The following PCDHA8 variants were observed in gnomAD, a reference collection of about 807,000 sequenced individuals.
PCDHA8 encodes the protein protocadherin alpha 8, also known as protocadherin alpha-8.
Under a neutral mutation model 61.8 loss-of-function variants are expected in PCDHA8, and 53 were observed. The observed-to-expected ratio is 0.86, with a 90% CI of 0.69 to 1.08. PCDHA8 has a LOEUF of 1.08. Ranked by LOEUF, PCDHA8 falls within the 50% of genes least tolerant of loss-of-function variation. PCDHA8 has a pLI of 0.00. For synonymous variants in PCDHA8, 618 were observed against 556.6 expected (o/e 1.11, Z -1.55); for missense variants, 1,293 against 1,245.0 (o/e 1.04, Z -0.58).
chr5:140,851,545 G>A, intron 1 of PCDHA8: 1 of 908,276 alleles, frequency 1.1e-6, no homozygotes, highest in East Asian at 1.2e-4. Context: ...GATAATTCAA[G>A]AAATGTTGAC....
At chr5:140,972,276 A>G (rs1471308188) in intron 1 of PCDHA8, among the ~76,000 whole-genome samples, 1 of 150,442 alleles carries the variant, frequency 6.6e-6, no homozygotes, top group Non-Finnish European at 1.5e-5. Flanking sequence ...AGTAGCTTGG[A>G]CCATAGATGT....
At chr5:140,896,541 T>C (rs2065612579) in intron 1 of PCDHA8, among the ~76,000 whole-genome samples, 1 of 151,728 alleles carries the variant, frequency 6.6e-6, no homozygotes, top group South Asian at 2.1e-4. Flanking sequence ...TTTTTCTTTT[T>C]TTTTTTTGTA....
At chr5:140,923,888 G>A (rs575485843) in intron 1 of PCDHA8, among the ~76,000 whole-genome samples, 1 of 152,294 alleles carries the variant, frequency 6.6e-6, no homozygotes, top group Admixed American at 6.5e-5. Context: ...GTGTGAAAGA[G>A]GAGGAGTTTC....
At chr5:140,927,226 A>T in intron 1 of PCDHA8, 5 of 1,613,996 alleles carry the variant, frequency 3.1e-6, no homozygotes, top group Non-Finnish European at 4.2e-6. Context: ...CAAGATTCGG[A>T]TTCACGTCCT....
intron 1 of PCDHA8, chr5:140,866,016 T>C (rs191505079): frequency 6.6e-6 from 1 of 152,304 alleles, no homozygotes; most frequent in African/African-American, 2.4e-5. Flanking sequence ...ATTTTTTTCT[T>C]GTAAGAGTTC....
In PCDHA8 at chr5:140,850,172, C is replaced by A. The variant is rs2150470572; in HGVS notation, c.2394+6457C>A. 55 of 1,594,266 alleles carry A rather than the reference C, an allele frequency of 3.4e-5. 7 individuals are homozygous for A. Among genetic ancestry groups the A allele is most frequent in the Non-Finnish European group, 4.5e-5 (52 of 1,167,736 alleles). ...TGCAGGTGTTCGTGCTGGACGAGAA[C>A]GACAATGCGCCGGCGCTGCTGACAC... is the stretch of plus-strand genomic sequence containing the variant. On this transcript the variant is annotated intron_variant, in intron 1 of 3. Transcript: ENST00000531613.
At chr5:140,966,679 G>A (rs1554228549) in intron 1 of PCDHA8, 1 of 1,317,562 alleles carries the variant, frequency 7.6e-7, no homozygotes, top group Non-Finnish European at 9.8e-7. Flanking sequence ...AGGGTGGCAC[G>A]AGCGGAGGCG....
At chr5:140,933,863 A>G (rs2089469278) in intron 1 of PCDHA8, among the ~76,000 whole-genome samples, 1 of 151,666 alleles carries the variant, frequency 6.6e-6, no homozygotes, top group Non-Finnish European at 1.5e-5. Context: ...ATTTTTTCAG[A>G]TATATGTTAG....
intron 1 of PCDHA8, among the ~76,000 whole-genome samples, chr5:140,896,320 C>G (rs1583228292): frequency 6.6e-6 from 1 of 152,182 alleles, no homozygotes; most frequent in Non-Finnish European, 1.5e-5. Context: ...CTGCTTTCCA[C>G]AGTGGCTAAA....
chr5:140,856,314 T>C (rs2043919733), intron 1 of PCDHA8: 1 of 1,598,440 alleles, frequency 6.3e-7, no homozygotes, highest in African/African-American at 1.3e-5. Context: ...AATTCTCGGA[T>C]TGACCGCGAG....
intron 1 of PCDHA8, among the ~76,000 whole-genome samples, chr5:140,931,398 T>C: frequency 6.6e-6 from 1 of 152,112 alleles, no homozygotes; most frequent in African/African-American, 2.4e-5. Context: ...AAGTAAGCGA[T>C]AGGAAGGCTG....
intron 1 of PCDHA8, chr5:140,882,264 G>C: frequency 6.2e-7 from 1 of 1,609,300 alleles, no homozygotes; most frequent in Non-Finnish European, 8.5e-7. Context: ...TTTTTGGAGT[G>C]TACCATGCTG....
intron 3 of PCDHA8, among the ~76,000 whole-genome samples, chr5:140,986,151 G>T (rs547474191): frequency 6.6e-6 from 1 of 152,316 alleles, no homozygotes; most frequent in East Asian, 1.9e-4. Flanking sequence ...GCATCACCAA[G>T]TAATGTTTTC....
intron 1 of PCDHA8, chr5:140,858,504 C>A: frequency 4.8e-6 from 7 of 1,454,340 alleles, no homozygotes; most frequent in Non-Finnish European, 6.6e-6. Flanking sequence ...CGCATTTTCT[C>A]AAATATGTAT....
chr5:140,947,083 A>T (rs1268359945), intron 1 of PCDHA8, among the ~76,000 whole-genome samples: 1 of 151,728 alleles, frequency 6.6e-6, no homozygotes, highest in African/African-American at 2.4e-5. Context: ...TTGAAACATC[A>T]GACTGTAGCC....
At chr5:140,899,158 T>G (rs1285542285) in intron 1 of PCDHA8, among the ~76,000 whole-genome samples, 1 of 152,188 alleles carries the variant, frequency 6.6e-6, no homozygotes, top group African/African-American at 2.4e-5. Context: ...TGACTTCCTC[T>G]TTTCCTAATT....
chr5:140,971,902 T>G (rs1554233695), intron 1 of PCDHA8, among the ~76,000 whole-genome samples: 2 of 152,280 alleles, frequency 1.3e-5, no homozygotes, highest in Admixed American at 1.3e-4. Flanking sequence ...GGTTAGGTAA[T>G]CTACACAGCC....
At chr5:140,862,824 G>C (rs1205805230) in intron 1 of PCDHA8, 1 of 571,890 alleles carries the variant, frequency 1.7e-6, no homozygotes, top group Non-Finnish European at 3.4e-6. Flanking sequence ...AGGTGAGAGC[G>C]CGCGACGCGG....
intron 1 of PCDHA8, among the ~76,000 whole-genome samples, chr5:140,923,825 G>A (rs2081532169): frequency 6.6e-6 from 1 of 152,224 alleles, no homozygotes; most frequent in East Asian, 1.9e-4. Context: ...ATAGACGTCA[G>A]TGGCAGTTTA....
Sources: gnomAD v4.1 joint callset for allele counts (sites outside exome capture counted in the v4.1 genomes callset) on GRCh38, gnomAD v4.1.1 for gene constraint, MANE v1.5 for transcripts, NCBI Gene and HGNC (gene_info 2026-07-23, HGNC 2026-07-21) for gene names.